The following FMNL2 variants were observed in gnomAD, a reference collection of about 807,000 sequenced individuals.
FMNL2 encodes the protein formin like 2.
FMNL2 carries 51 observed loss-of-function variants against 130.2 expected under a neutral mutation model. That is an observed-to-expected ratio of 0.39 (90% confidence interval 0.31 to 0.49). The LOEUF is 0.49. Ranked by LOEUF, FMNL2 falls within the 20% of genes least tolerant of loss-of-function variation. The pLI, the probability that FMNL2 is intolerant of heterozygous loss-of-function variation, is 0.85. For synonymous variants in FMNL2, 465 were observed against 467.1 expected (o/e 1.00, Z 0.06); for missense variants, 977 against 1,316.2 (o/e 0.74, Z 3.99).
intron 1 of FMNL2, among the ~76,000 whole-genome samples, chr2:152,492,613 T>C (rs566800123): frequency 6.6e-6 from 1 of 152,340 alleles, no homozygotes; most frequent in Admixed American, 6.5e-5. Flanking sequence ...CTTTTCCTTA[T>C]CTTTCATAAT....
chr2:152,579,932 A>G (rs1696687902), intron 8 of FMNL2, among the ~76,000 whole-genome samples: 1 of 152,252 alleles, frequency 6.6e-6, no homozygotes, highest in Non-Finnish European at 1.5e-5. Flanking sequence ...AAAATATCTG[A>G]AAACTGTTAA....
intron 1 of FMNL2, among the ~76,000 whole-genome samples, chr2:152,435,064 T>C (rs1024502786): frequency 6.6e-6 from 1 of 152,156 alleles, no homozygotes; most frequent in African/African-American, 2.4e-5. Context: ...AGATACAGTC[T>C]AGAAGGTATT....
chr2:152,626,218 G>T (rs1334020658), intron 16 of FMNL2, among the ~76,000 whole-genome samples: 1 of 152,052 alleles, frequency 6.6e-6, no homozygotes, highest in Non-Finnish European at 1.5e-5. Flanking sequence ...TGTGTTTTTA[G>T]TAGAGAGCGC....
intron 1 of FMNL2, among the ~76,000 whole-genome samples, chr2:152,454,459 G>GA (rs1244396614): frequency 1.0e-5 from 1 of 98,636 alleles, no homozygotes; most frequent in East Asian, 1.1e-3. Flanking sequence ...ACATTAAGTT[G>GA]AAAATATCTC....
intron 7 of FMNL2, among the ~76,000 whole-genome samples, chr2:152,575,505 A>G (rs544934941): frequency 2.0e-5 from 3 of 152,218 alleles, no homozygotes; most frequent in Admixed American, 6.5e-5. Flanking sequence ...TATTATTTCT[A>G]TTTGAAGTAA....
At chr2:152,441,948 T>C (rs2106133348) in intron 1 of FMNL2, among the ~76,000 whole-genome samples, 1 of 152,038 alleles carries the variant, frequency 6.6e-6, no homozygotes, top group Non-Finnish European at 1.5e-5. Flanking sequence ...ATATTGAGAG[T>C]GGGAGTTCCT....
chr2:152,394,350 C>A (rs1166763141), intron 1 of FMNL2, among the ~76,000 whole-genome samples: 5 of 151,972 alleles, frequency 3.3e-5, no homozygotes. Context: ...AGCAGCAAAC[C>A]AATTGTGGGT....
intron 1 of FMNL2, among the ~76,000 whole-genome samples, chr2:152,383,993 T>C (rs1245365541): frequency 6.6e-6 from 1 of 152,238 alleles, no homozygotes; most frequent in Non-Finnish European, 1.5e-5. Context: ...GTAGGAACTA[T>C]GTCTAGTAAA....
At position 152,413,849 on chromosome 2, in the gene FMNL2, T is replaced by C. The variant is rs138707148; in HGVS notation, c.117+78129T>C. On this transcript the variant is annotated intron_variant, in intron 1 of 25. Coordinates refer to ENST00000288670, the MANE Select transcript of FMNL2 (RefSeq NM_052905.4). ...ACGGATACCGATGGACACAGCACCA[T>C]GATAGGCTTGGCAGACTCCTCCTTG... Among the ~76,000 whole-genome samples the C allele has an allele frequency of 4.9e-3, 739 of 152,338 alleles. 1 individual carries two copies. The highest frequency in any genetic ancestry group is 7.4e-3 in the Non-Finnish European group (505 of 68,030).
At chr2:152,603,403 T>TG (rs1288064466) in intron 9 of FMNL2, among the ~76,000 whole-genome samples, 2 of 150,304 alleles carry the variant, frequency 1.3e-5, no homozygotes, top group Non-Finnish European at 3.0e-5. Context: ...AAGTCTGTTT[T>TG]TTTTTTTTTT....
chr2:152,411,813 T>G (rs1406300409), intron 1 of FMNL2, among the ~76,000 whole-genome samples: 1 of 152,128 alleles, frequency 6.6e-6, no homozygotes, highest in East Asian at 1.9e-4. Flanking sequence ...ATGGTACCCT[T>G]TTATTGGGTG....
intron 3 of FMNL2, among the ~76,000 whole-genome samples, chr2:152,548,334 C>T (rs1044329896): frequency 2.0e-4 from 31 of 152,172 alleles, no homozygotes; most frequent in Admixed American, 1.4e-3. Context: ...TTGTGTTTGA[C>T]GGGGGAAAGT....
chr2:152,424,509 G>T (rs1160082571), intron 1 of FMNL2, among the ~76,000 whole-genome samples: 1 of 151,810 alleles, frequency 6.6e-6, no homozygotes, highest in African/African-American at 2.4e-5. Flanking sequence ...TCCTGCCTCA[G>T]CCTCCCGAAT....
At chr2:152,530,130 T>G (rs1374231590) in intron 2 of FMNL2, among the ~76,000 whole-genome samples, 1 of 152,224 alleles carries the variant, frequency 6.6e-6, no homozygotes, top group Non-Finnish European at 1.5e-5. Flanking sequence ...TTGTCTTGTT[T>G]AAAGTAAAGT....
At chr2:152,505,265 T>G (rs1441790178) in intron 1 of FMNL2, among the ~76,000 whole-genome samples, 1 of 152,182 alleles carries the variant, frequency 6.6e-6, no homozygotes, top group Non-Finnish European at 1.5e-5. Context: ...GCCACTGGGT[T>G]TCTTGGGAAG....
At chr2:152,363,858 C>T (rs1486359143) in intron 1 of FMNL2, among the ~76,000 whole-genome samples, 2 of 152,136 alleles carry the variant, frequency 1.3e-5, no homozygotes, top group South Asian at 2.1e-4. Context: ...CCACTGTGCC[C>T]GACTGCAGTA....
intron 1 of FMNL2, among the ~76,000 whole-genome samples, chr2:152,510,404 A>G (rs1407069444): frequency 6.6e-6 from 1 of 152,204 alleles, no homozygotes; most frequent in Non-Finnish European, 1.5e-5. Flanking sequence ...AGTCAGTAAA[A>G]TAGAATGTGA....
Position 152,379,374 on chromosome 2 carries a change from T to G in FMNL2, c.117+43654T>G, listed in dbSNP as rs73007078. ...GGATAGTCTTCTTGCAGTAACTTCC[T>G]TTAAAACTACGGTGGTTTGTGGTGA... On this transcript the variant is annotated intron_variant, in intron 1 of 25. Transcript: ENST00000288670. Among the ~76,000 whole-genome samples, 132 of 152,354 alleles carry G rather than the reference T, an allele frequency of 8.7e-4. 1 individual carries two copies. Among genetic ancestry groups the G allele is most frequent in the African/African-American group, 3.1e-3 (128 of 41,574 alleles).
rs921397643 is a variant in FMNL2, at chr2:152,419,151, CT to C, written c.117+83438del. Among the ~76,000 whole-genome samples the C allele has an allele frequency of 5.6e-3, 562 of 100,898 alleles. 1 individual carries two copies. The highest frequency in any genetic ancestry group is 0.016 in the African/African-American group (433 of 26,398). 66.2% of individuals were successfully genotyped at this position (100,898 alleles called of 152,430 possible). A position where few individuals can be genotyped will look rare whatever the true frequency, so the allele number is the denominator to read the frequency against. ...TGTTCTCTTTTTGCCTTTCAAAGGA[CT>C]TTTTTTGTTTTTTATTATATATGGA... On this transcript the variant is annotated intron_variant, in intron 1 of 25. Transcript: ENST00000288670.
Sources: gnomAD v4.1 joint callset for allele counts (sites outside exome capture counted in the v4.1 genomes callset) on GRCh38, gnomAD v4.1.1 for gene constraint, MANE v1.5 for transcripts, NCBI Gene and HGNC (gene_info 2026-07-23, HGNC 2026-07-21) for gene names.